The following PARM1 variants were observed in gnomAD, a reference collection of about 807,000 sequenced individuals.
PARM1 encodes the protein prostate androgen-regulated mucin-like protein 1, also known as WSC4, cell wall integrity and stress response component 4 homolog.
Under a neutral mutation model 24.6 loss-of-function variants are expected in PARM1, and 14 were observed. The ratio of observed to expected loss-of-function variants is 0.57; its 90% CI spans 0.38 to 0.89. The LOEUF is 0.89. Ranked by LOEUF, PARM1 falls within the 40% of genes least tolerant of loss-of-function variation. The pLI is 0.00. For missense variants in PARM1, 362 were observed against 380.4 expected, an observed-to-expected ratio of 0.95 and a Z score of 0.40; for synonymous variants, 179 against 156.6, an observed-to-expected ratio of 1.14 and a Z score of -1.07.
intron 1 of PARM1, among the ~76,000 whole-genome samples, chr4:74,953,683 G>A (rs1372020912): frequency 6.6e-6 from 1 of 152,222 alleles, no homozygotes; most frequent in Non-Finnish European, 1.5e-5. Flanking sequence ...ACATGCTTTG[G>A]ATGACCAGAC....
intron 1 of PARM1, among the ~76,000 whole-genome samples, chr4:74,950,729 A>G (rs1364210962): frequency 6.6e-6 from 1 of 152,228 alleles, no homozygotes; most frequent in Non-Finnish European, 1.5e-5. Flanking sequence ...AGCATTCACT[A>G]TCACATCAAG....
At chr4:75,035,704 G>A (rs1723356371) in intron 3 of PARM1, among the ~76,000 whole-genome samples, 1 of 152,100 alleles carries the variant, frequency 6.6e-6, no homozygotes, top group East Asian at 1.9e-4. Flanking sequence ...ATAATGTCAA[G>A]TGTGAGAGTG....
intron 1 of PARM1, among the ~76,000 whole-genome samples, chr4:74,948,065 A>G (rs1721442405): frequency 6.6e-6 from 1 of 151,992 alleles, no homozygotes; most frequent in Admixed American, 6.6e-5. Context: ...AGAATGCCAC[A>G]CTCCTCCATT....
intron 1 of PARM1, among the ~76,000 whole-genome samples, chr4:74,971,511 A>G (rs532485101): frequency 2.0e-5 from 3 of 152,336 alleles, no homozygotes; most frequent in African/African-American, 7.2e-5. Context: ...TTCACAATCA[A>G]TGGCATATCC....
chr4:75,035,420 G>A (rs994155733), intron 3 of PARM1, among the ~76,000 whole-genome samples: 1 of 152,128 alleles, frequency 6.6e-6, no homozygotes, highest in Non-Finnish European at 1.5e-5. Flanking sequence ...GGGCACTGTG[G>A]CGCACACACA....
At chr4:75,033,328 C>T (rs1476344460) in intron 2 of PARM1, among the ~76,000 whole-genome samples, 2 of 152,152 alleles carry the variant, frequency 1.3e-5, no homozygotes, top group African/African-American at 4.8e-5. Context: ...CACTTGATTG[C>T]CTCATTAAAA....
chr4:74,941,473 CAGG>C (rs1560770381), intron 1 of PARM1, among the ~76,000 whole-genome samples: 2 of 152,092 alleles, frequency 1.3e-5, no homozygotes, highest in Admixed American at 6.6e-5. Context: ...ATCAGGGGAG[CAGG>C]AGGAGGATTA....
chr4:74,941,319 T>C (rs1358539104), intron 1 of PARM1, among the ~76,000 whole-genome samples: 1 of 152,076 alleles, frequency 6.6e-6, no homozygotes, highest in East Asian at 1.9e-4. Flanking sequence ...GGGCAGGAAG[T>C]GTGATATCAA....
intron 1 of PARM1, among the ~76,000 whole-genome samples, chr4:74,933,752 G>A (rs1721117829): frequency 6.6e-6 from 1 of 152,204 alleles, no homozygotes; most frequent in Admixed American, 6.5e-5. Context: ...TTGCCGTTGG[G>A]CCCTGGAAGG....
rs1313674119 is a variant in PARM1, at chr4:75,046,706, G to A, written c.*459G>A. On this transcript the variant is annotated 3_prime_UTR_variant, in exon 4 of 4. Transcript: ENST00000307428. The stretch of plus-strand genomic sequence containing the variant: ...TACGAGGATTTCACCCTGCATGGGA[G>A]AGAGCAGGGTTTTCTCAGATTCCTT... 1 of 156,100 alleles carries A rather than the reference G, an allele frequency of 6.4e-6. No homozygotes were observed. Among genetic ancestry groups the A allele is most frequent in the Non-Finnish European group, 1.4e-5 (1 of 70,298 alleles). 9.7% of individuals were successfully genotyped at this position (156,100 alleles called of 1,614,324 possible).
intron 1 of PARM1, among the ~76,000 whole-genome samples, chr4:74,997,140 A>C (rs2109783895): frequency 6.6e-6 from 1 of 152,260 alleles, no homozygotes. Flanking sequence ...AAGTGCCTTT[A>C]GGGTGAGATG....
At chr4:75,038,289 C>A (rs1275221332) in intron 3 of PARM1, among the ~76,000 whole-genome samples, 1 of 152,222 alleles carries the variant, frequency 6.6e-6, no homozygotes, top group African/African-American at 2.4e-5. Context: ...TAGTACCTAA[C>A]TCAAGATTGT....
intron 1 of PARM1, among the ~76,000 whole-genome samples, chr4:74,975,954 A>C (rs532772025): frequency 6.6e-6 from 1 of 152,290 alleles, no homozygotes; most frequent in South Asian, 2.1e-4. Flanking sequence ...GAGAGTGAGA[A>C]AAAGCAAGGT....
intron 3 of PARM1, among the ~76,000 whole-genome samples, chr4:75,042,305 A>G (rs1055256738): frequency 6.6e-6 from 1 of 152,230 alleles, no homozygotes; most frequent in African/African-American, 2.4e-5. Flanking sequence ...GCCAAGACAC[A>G]GCAAAGAGAA....
At chr4:74,972,374 G>T (rs77527850) in intron 1 of PARM1, among the ~76,000 whole-genome samples, 95 of 152,248 alleles carry the variant, frequency 6.2e-4, no homozygotes, top group Non-Finnish European at 1.1e-3. Flanking sequence ...TTTTGAAACC[G>T]CTTTCTGTTT....
chr4:74,997,122 C>T lies in PARM1; in HGVS notation c.44-15303C>T, dbSNP rs72860971. Among the ~76,000 whole-genome samples, 736 of 152,296 alleles carry T rather than the reference C, an allele frequency of 4.8e-3. 4 individuals carry two copies. Among genetic ancestry groups the T allele is most frequent in the African/African-American group, 0.016 (681 of 41,564 alleles). ...CTTCCTCCTGCAGAGACCTGACTCA[C>T]AGCTGATAAGTGCCTTTAGGGTGAG... is the stretch of plus-strand genomic sequence containing the variant. On this transcript the variant is annotated intron_variant, in intron 1 of 3. Transcript: ENST00000307428.
At chr4:74,972,901 A>C (rs1218930578) in intron 1 of PARM1, among the ~76,000 whole-genome samples, 4 of 152,212 alleles carry the variant, frequency 2.6e-5, no homozygotes, top group Admixed American at 2.6e-4. Context: ...AAGCTGATAC[A>C]GTGTAGTGGA....
chr4:75,022,893 G>A (rs764216905), intron 2 of PARM1, among the ~76,000 whole-genome samples: 10 of 152,186 alleles, frequency 6.6e-5, no homozygotes, highest in Admixed American at 3.3e-4. Context: ...TATTGCATTA[G>A]GAGTGCATAT....
intron 1 of PARM1, among the ~76,000 whole-genome samples, chr4:75,003,804 T>C (rs1188538284): frequency 1.3e-5 from 2 of 152,172 alleles, no homozygotes; most frequent in Non-Finnish European, 2.9e-5. Flanking sequence ...CTTTTGTAGG[T>C]CCCTAACAGT....
Sources: gnomAD v4.1 joint callset for allele counts (sites outside exome capture counted in the v4.1 genomes callset) on GRCh38, gnomAD v4.1.1 for gene constraint, MANE v1.5 for transcripts, NCBI Gene and HGNC (gene_info 2026-07-23, HGNC 2026-07-21) for gene names.